The following ZNF607 variants were observed in gnomAD, a reference collection of about 807,000 sequenced individuals.
The protein encoded by ZNF607 is zinc finger protein 607.
In ZNF607, 5 loss-of-function variants were observed where a neutral mutation model predicts 12.8. The ratio of observed to expected loss-of-function variants is 0.39; its 90% CI spans 0.20 to 0.82. The LOEUF is 0.82. Ranked by LOEUF, ZNF607 falls within the 40% of genes least tolerant of loss-of-function variation. The probability of loss-of-function intolerance (pLI) is 0.39; values close to 1 mark genes in which losing one functional copy is unlikely to be tolerated. For synonymous variants in ZNF607, 287 were observed against 276.2 expected, an observed-to-expected ratio of 1.04 and a Z score of -0.39; for missense variants, 851 against 859.2, an observed-to-expected ratio of 0.99 and a Z score of 0.12.
chr19:37,707,878 T>C (rs1473495369), intron 4 of ZNF607, 36 bp downstream of exon 4: 1 of 1,534,070 alleles, frequency 6.5e-7, no homozygotes, highest in Non-Finnish European at 9.0e-7. Flanking sequence ...GCTATTTGCA[T>C]ACAAAAATGG....
chr19:37,698,323 T>C lies in ZNF607; in HGVS notation c.1808A>G (p.His603Arg), dbSNP rs757882592. The C allele has an allele frequency of 1.9e-6, 3 of 1,614,132 alleles. No individual in the cohort carries two copies. Among genetic ancestry groups the C allele is most frequent in the Admixed American group, 1.7e-5 (1 of 60,018 alleles). The change falls in exon 5 of 5, where the codon CAT (histidine) becomes CGT (arginine). Residue 603 changes from histidine (H) to arginine (R), a missense_variant. By Grantham distance (29) the His-to-Arg change is conservative (BLOSUM62 0). Transcript: ENST00000355202. ...ECGETFSHASHLIIHERIHTS... is the reference protein window; with the variant it reads ...ECGETFSHASRLIIHERIHTS... ...ATGAATTCTCTCATGAATAATAAGA[T>C]GTGAAGCATGACTAAAAGTTTCCCC... is the stretch of plus-strand genomic sequence containing the variant.
chr19:37,697,496 T>C lies in ZNF607; in HGVS notation c.*544A>G. 1 of 611,140 alleles carries C rather than the reference T, an allele frequency of 1.6e-6. No individual in the cohort carries two copies. Among genetic ancestry groups the C allele is most frequent in the Non-Finnish European group, 3.0e-6 (1 of 332,680 alleles). The allele number at this position is 611,140 out of a possible 1,614,324, so 37.9% of individuals were successfully genotyped here. On this transcript the variant is annotated 3_prime_UTR_variant, in exon 5 of 5. Coordinates refer to ENST00000355202, the MANE Select transcript of ZNF607 (RefSeq NM_032689.5). ...AACAGCACTATACTGTAGGTACTACTATCATCATTTATATATGATCCCCAG... is the reference window on the plus strand; with the variant it reads ...AACAGCACTATACTGTAGGTACTACCATCATCATTTATATATGATCCCCAG...
chr19:37,707,681 C>G (rs543912555), intron 4 of ZNF607, among the ~76,000 whole-genome samples: 1 of 152,174 alleles, frequency 6.6e-6, no homozygotes, highest in African/African-American at 2.4e-5. Context: ...CTCAGGTGAT[C>G]TGCCCGCCTC....
At chr19:37,708,599 T>C (rs957074289) in intron 3 of ZNF607, among the ~76,000 whole-genome samples, 3 of 151,002 alleles carry the variant, frequency 2.0e-5, no homozygotes, top group Admixed American at 1.3e-4. Context: ...CGGTGGCTCA[T>C]GCCTTGTAAC....
chr19:37,701,740 C>G (rs2045040653), intron 4 of ZNF607, among the ~76,000 whole-genome samples: 1 of 152,076 alleles, frequency 6.6e-6, no homozygotes, highest in Non-Finnish European at 1.5e-5. Context: ...AGTAGCATAC[C>G]CAGGTTTGGA....
chr19:37,711,131 C>T (rs1390866799), intron 2 of ZNF607, among the ~76,000 whole-genome samples: 5 of 152,172 alleles, frequency 3.3e-5, no homozygotes, highest in Non-Finnish European at 5.9e-5. Flanking sequence ...ATCCAATAGA[C>T]TAATTCACAC....
chr19:37,711,697 AAGAAG>A lies in ZNF607; in HGVS notation c.-74-10_-74-6del. On this transcript the variant is annotated splice_polypyrimidine_tract_variant and splice_region_variant and intron_variant, in intron 1 of 4. Coordinates refer to ENST00000355202, the MANE Select transcript of ZNF607 (RefSeq NM_032689.5). The stretch of plus-strand genomic sequence containing the variant: ...CAAAGTCAAAAGAACCAAGACCTGA[AAGAAG>A]AGAAGACCTTGAGACCAGCTGTGCT... 6.9e-7 allele frequency: 1 copy of A among 1,442,796 alleles called. No individual in the cohort carries two copies. Among genetic ancestry groups the A allele is most frequent in the Non-Finnish European group, 9.7e-7 (1 of 1,025,996 alleles). 89.4% of individuals were successfully genotyped at this position (1,442,796 alleles called of 1,614,324 possible).
At chr19:37,717,783 G>A (rs534807328) in intron 1 of ZNF607, among the ~76,000 whole-genome samples, 4 of 140,468 alleles carry the variant, frequency 2.8e-5, no homozygotes, top group Admixed American at 1.5e-4. Flanking sequence ...TCCAGCCTGG[G>A]CAACAAGAGC....
chr19:37,702,982 C>T (rs1374977331), intron 4 of ZNF607, among the ~76,000 whole-genome samples: 5 of 149,502 alleles, frequency 3.3e-5, no homozygotes, highest in East Asian at 1.9e-4. Flanking sequence ...GATGGAGTTT[C>T]GCTCTTGTTG....
intron 3 of ZNF607, among the ~76,000 whole-genome samples, chr19:37,709,353 T>G: frequency 6.6e-6 from 1 of 152,226 alleles, no homozygotes; most frequent in East Asian, 1.9e-4. Flanking sequence ...ATAGCAATTC[T>G]GTGCACAAAA....
Position 37,698,741 on chromosome 19 carries a change from GAT to G in ZNF607, c.1388_1389del (p.Tyr463SerfsTer5), listed in dbSNP as rs1568402488. On this transcript the variant is annotated frameshift_variant, in exon 5 of 5. Transcript: ENST00000355202. LOFTEE classifies it low-confidence loss of function (END_TRUNC). The part of the protein sequence containing the change: ...ECGKSFRCAS[Y>X]LVIHERIHTG... The stretch of plus-strand genomic sequence containing the variant: ...GTATGAATTCTCTCATGTATAACAA[GAT>G]ATGAGGCACAACGAAAGGACTTCCC... The G allele has an allele frequency of 1.2e-6, 2 of 1,613,360 alleles. No homozygotes were observed. The highest frequency in any genetic ancestry group is 1.7e-6 in the Non-Finnish European group (2 of 1,179,402).
chr19:37,708,924 T>C (rs535115189), intron 3 of ZNF607, among the ~76,000 whole-genome samples: 29 of 151,990 alleles, frequency 1.9e-4, no homozygotes, highest in African/African-American at 7.0e-4. Flanking sequence ...GCAAGTTACT[T>C]ACACTGCTGG....
At position 37,696,777 on chromosome 19, in the gene ZNF607, T is replaced by C; in HGVS notation, c.*1263A>G. 7.4e-7 allele frequency: 1 copy of C among 1,345,406 alleles called. No individual in the cohort carries two copies. The highest frequency in any genetic ancestry group is 1.1e-6 in the Non-Finnish European group (1 of 943,236). The allele number at this position is 1,345,406 out of a possible 1,614,324, so 83.3% of individuals were successfully genotyped here. A position where few individuals can be genotyped will look rare whatever the true frequency, so the allele number is the denominator to read the frequency against. ...CCAGTGAGTTGGCGATCAGCTCAGCTGCCTTGGAGTCACCCTCAGCAGAGA... is the reference window on the plus strand; with the variant it reads ...CCAGTGAGTTGGCGATCAGCTCAGCCGCCTTGGAGTCACCCTCAGCAGAGA... On this transcript the variant is annotated 3_prime_UTR_variant, in exon 5 of 5. Transcript: ENST00000355202.
Position 37,698,998 on chromosome 19 carries a change from CCATGCA to C in ZNF607, c.1127_1132del (p.Val376_His377del). On this transcript the variant is annotated inframe_deletion, in exon 5 of 5. Coordinates refer to ENST00000355202, the MANE Select transcript of ZNF607 (RefSeq NM_032689.5). ...AATACCCTGATGTCGAGTAAGTCGT[CCATGCA>C]CACTAAAGGCTTTCCCACATTCCTC... The C allele has an allele frequency of 1.9e-6, 3 of 1,613,656 alleles. No individual in the cohort carries two copies. The South Asian group carries it at 3.3e-5, about 18-fold the overall frequency.
intron 1 of ZNF607, among the ~76,000 whole-genome samples, chr19:37,713,719 G>A (rs777561489): frequency 3.2e-4 from 49 of 152,058 alleles, no homozygotes; most frequent in Non-Finnish European, 3.7e-4. Context: ...GATTACAGGT[G>A]TGAGCCACCA....
At position 37,697,194 on chromosome 19, in the gene ZNF607, C is replaced by T. The variant is rs1599657904; in HGVS notation, c.*846G>A. On this transcript the variant is annotated 3_prime_UTR_variant, in exon 5 of 5. Transcript: ENST00000355202. ...GACTGGCGCACTACGTGGTTGAGAA[C>T]AGCAGTCAAAGATAATTGGTTTTTG... 8.2e-6 allele frequency: 6 copies of T among 732,916 alleles called. No individual in the cohort carries two copies. The highest frequency in any genetic ancestry group is 2.5e-5 in the East Asian group (1 of 39,304). 45.4% of individuals were successfully genotyped at this position (732,916 alleles called of 1,614,324 possible).
chr19:37,708,120 T>C, intron 3 of ZNF607, 108 bp from the exon 4 acceptor site: 1 of 726,804 alleles, frequency 1.4e-6, no homozygotes, highest in Non-Finnish European at 2.2e-6. Context: ...AGTAAGATTT[T>C]AGAGAAGAGT....
intron 4 of ZNF607, among the ~76,000 whole-genome samples, chr19:37,703,712 G>A (rs1298678358): frequency 3.9e-5 from 6 of 152,114 alleles, no homozygotes; most frequent in Non-Finnish European, 5.9e-5. Context: ...GGTGCATGTC[G>A]TAACATAAAA....
chr19:37,717,806 CAAAAAAA>C (rs57152044), intron 1 of ZNF607, among the ~76,000 whole-genome samples: 25 of 67,100 alleles, frequency 3.7e-4, no homozygotes, highest in East Asian at 2.3e-3. Context: ...AACTCAGTCT[CAAAAAAA>C]AAAAAAAAAA....
Sources: gnomAD v4.1 joint callset for allele counts (sites outside exome capture counted in the v4.1 genomes callset) on GRCh38, gnomAD v4.1.1 for gene constraint, MANE v1.5 for transcripts, NCBI Gene and HGNC (gene_info 2026-07-23, HGNC 2026-07-21) for gene names.